VPS37C: variants seen among roughly 807,000 people sequenced by gnomAD.
The protein encoded by VPS37C is vacuolar protein sorting-associated protein 37C.
In VPS37C, 9 loss-of-function variants were observed where a neutral mutation model predicts 16.1. The ratio of observed to expected loss-of-function variants is 0.56; its 90% CI spans 0.34 to 0.97. The LOEUF is 0.97. Ranked by LOEUF, VPS37C falls within the 50% of genes least tolerant of loss-of-function variation. The pLI, the probability that VPS37C is intolerant of heterozygous loss-of-function variation, is 0.02. For missense variants in VPS37C, 479 were observed against 472.7 expected (o/e 1.01, Z -0.12); for synonymous variants, 207 against 206.4 (o/e 1.00, Z -0.02).
At chr11:61,134,676 C>T (rs1007609009) in intron 2 of VPS37C, among the ~76,000 whole-genome samples, 2 of 152,168 alleles carry the variant, frequency 1.3e-5, no homozygotes, top group African/African-American at 4.8e-5. Flanking sequence ...ATAATGAGGC[C>T]CCAAATAAAG....
chr11:61,159,110 G>C (rs1418247436), intron 1 of VPS37C, among the ~76,000 whole-genome samples: 1 of 152,228 alleles, frequency 6.6e-6, no homozygotes, highest in East Asian at 1.9e-4. Context: ...CTGGCCAAGA[G>C]TGTCCAGAAA....
At chr11:61,138,660 C>T (rs1019585819) in intron 2 of VPS37C, 77 bp downstream of exon 2, 7 of 1,401,654 alleles carry the variant, frequency 5.0e-6, no homozygotes, top group Non-Finnish European at 7.0e-6. Flanking sequence ...TTCCAATAAG[C>T]CAGCATCCTT....
At chr11:61,137,960 A>G (rs1269584722) in intron 2 of VPS37C, among the ~76,000 whole-genome samples, 1 of 152,212 alleles carries the variant, frequency 6.6e-6, no homozygotes, top group African/African-American at 2.4e-5. Flanking sequence ...TTTTCAAAAT[A>G]CAAGTTCACA....
chr11:61,159,719 A>AAAATAAAT (rs1025808274), intron 1 of VPS37C, among the ~76,000 whole-genome samples: 1 of 82,924 alleles, frequency 1.2e-5, no homozygotes, highest in African/African-American at 4.2e-5. Context: ...GTCTCAAAAA[A>AAAATAAAT]AAATAAATAA....
intron 1 of VPS37C, among the ~76,000 whole-genome samples, chr11:61,142,975 T>TAAAAAAAAAAAAAAAAAAA: frequency 2.1e-5 from 1 of 47,590 alleles, no homozygotes; most frequent in Non-Finnish European, 4.2e-5. Context: ...AAAGAATAGC[T>TAAAAAAAAAAAAAAAAAAA]AAAAAAAAAA....
intron 1 of VPS37C, among the ~76,000 whole-genome samples, chr11:61,160,347 G>T (rs1225380001): frequency 2.0e-5 from 3 of 152,140 alleles, no homozygotes; most frequent in Non-Finnish European, 4.4e-5. Context: ...TGCAGCTTTG[G>T]ACAACAAAGT....
rs115458128 is a variant in VPS37C at position 61,149,109 on chromosome 11, A to G, written c.-6-10274T>C. Among the ~76,000 whole-genome samples, 800 of 152,306 alleles carry G rather than the reference A, an allele frequency of 5.3e-3. 5 individuals carry two copies. Among genetic ancestry groups the G allele is most frequent in the African/African-American group, 0.018 (749 of 41,562 alleles). On this transcript the variant is annotated intron_variant, in intron 1 of 4. Transcript: ENST00000301765. ...ATCCTAGCTAACATGGTGAAACCCC[A>G]TATTTATCTACTAAAAATACAAAAA...
chr11:61,133,260 A>G lies in VPS37C; in HGVS notation c.343T>C (p.Ser115Pro). The change falls in exon 4 of 5, where the codon TCC becomes CCC. Residue 115 changes from serine (S) to proline (P), a missense_variant. Transcript: ENST00000301765. ...GTGTCGCCTCGCCCTCTCACCTCGG[A>G]CTCTTCTTCGATCTTCATGCCTTCC... is the stretch of plus-strand genomic sequence containing the variant. ...QVEGMKIEEE[S>P]EAMAEKFLEG... 1 of 1,613,804 alleles carries G rather than the reference A, an allele frequency of 6.2e-7. No individual in the cohort carries two copies. Among genetic ancestry groups the G allele is most frequent in the Non-Finnish European group, 8.5e-7 (1 of 1,179,952 alleles).
At chr11:61,135,744 G>A (rs1057379649) in intron 2 of VPS37C, among the ~76,000 whole-genome samples, 1 of 152,150 alleles carries the variant, frequency 6.6e-6, no homozygotes, top group East Asian at 1.9e-4. Flanking sequence ...TATTAGCCAT[G>A]GAAACTTTAC....
intron 1 of VPS37C, among the ~76,000 whole-genome samples, chr11:61,160,775 G>A (rs568385689): frequency 5.4e-4 from 82 of 152,356 alleles, no homozygotes; most frequent in African/African-American, 1.9e-3. Flanking sequence ...GGCATATAAT[G>A]GGTATGTATA....
chr11:61,149,262 G>A (rs1419649940), intron 1 of VPS37C, among the ~76,000 whole-genome samples: 7 of 152,218 alleles, frequency 4.6e-5, no homozygotes, highest in East Asian at 1.9e-4. Flanking sequence ...TCCCAGCCTC[G>A]GCGACAGAGC....
chr11:61,143,490 G>A (rs1380637426), intron 1 of VPS37C: 1 of 143,710 alleles, frequency 7.0e-6, no homozygotes, highest in Non-Finnish European at 1.5e-5. Context: ...CAATTCTCCT[G>A]CCTCAGCCTC....
intron 1 of VPS37C, among the ~76,000 whole-genome samples, chr11:61,146,874 G>C (rs1005405772): frequency 1.3e-5 from 2 of 152,184 alleles, no homozygotes; most frequent in African/African-American, 4.8e-5. Context: ...CAACCCCAGT[G>C]GCCTACAAAG....
rs199731564 is a variant in VPS37C at position 61,132,059 on chromosome 11, T to G, written c.829A>C (p.Met277Leu). 4.3e-6 allele frequency: 6 copies of G among 1,389,860 alleles called. No homozygotes were observed. Among genetic ancestry groups the G allele is most frequent in the African/African-American group, 3.0e-5 (2 of 66,786 alleles). 86.1% of individuals were successfully genotyped at this position (1,389,860 alleles called of 1,614,324 possible). A position where few individuals can be genotyped will look rare whatever the true frequency, so the allele number is the denominator to read the frequency against. ...GGGTACCCAGGCCCAGAGGCACCCA[T>G]TGGGGTCCCAGGATAGCCCGGCCGG... is the stretch of plus-strand genomic sequence containing the variant. ...PPRPGYPGTP[M>L]GASGPGYPLR... The change falls in exon 5 of 5, where the codon ATG (methionine) becomes CTG (leucine). Residue 277 changes from methionine to leucine, a missense_variant. Transcript: ENST00000301765.
At chr11:61,140,472 G>A (rs1861457441) in intron 1 of VPS37C, among the ~76,000 whole-genome samples, 1 of 151,900 alleles carries the variant, frequency 6.6e-6, no homozygotes, top group Admixed American at 6.6e-5. Context: ...ACCAGTATTT[G>A]TTATGTCTTG....
chr11:61,146,601 G>A (rs777569487), intron 1 of VPS37C, among the ~76,000 whole-genome samples: 89 of 152,316 alleles, frequency 5.8e-4, no homozygotes, highest in Non-Finnish European at 1.0e-3. Context: ...GGAGGGCTGC[G>A]GGGCAGGCGG....
At chr11:61,133,220 G>A (rs369528256) in intron 4 of VPS37C, 35 bp downstream of exon 4, 28 of 1,602,094 alleles carry the variant, frequency 1.7e-5, no homozygotes, top group Non-Finnish European at 2.1e-5. Context: ...CTGACACCCC[G>A]TCCAGGGAAG....
chr11:61,148,130 T>C (rs1196707518), intron 1 of VPS37C, among the ~76,000 whole-genome samples: 1 of 152,150 alleles, frequency 6.6e-6, no homozygotes, highest in Non-Finnish European at 1.5e-5. Context: ...GGCTGCAATC[T>C]TGTGTCAAGT....
At chr11:61,136,277 T>C (rs1372862891) in intron 2 of VPS37C, among the ~76,000 whole-genome samples, 2 of 151,572 alleles carry the variant, frequency 1.3e-5, no homozygotes, top group African/African-American at 4.8e-5. Flanking sequence ...GCGATTCTCC[T>C]GCCTCAGCCT....
Sources: gnomAD v4.1 joint callset for allele counts (sites outside exome capture counted in the v4.1 genomes callset) on GRCh38, gnomAD v4.1.1 for gene constraint, MANE v1.5 for transcripts, NCBI Gene and HGNC (gene_info 2026-07-23, HGNC 2026-07-21) for gene names.